Variants in WDPCP observed in about 807,000 individuals in gnomAD.
WDPCP encodes WD repeat containing planar cell polarity effector.
In WDPCP, 71 loss-of-function variants were observed where a neutral mutation model predicts 93.1. The observed-to-expected ratio is 0.76, with a 90% CI of 0.63 to 0.93. The LOEUF (loss-of-function observed/expected upper bound fraction) is 0.93, where lower values mean the gene tolerates loss of function less well. Ranked by LOEUF, WDPCP falls within the 40% of genes least tolerant of loss-of-function variation. WDPCP has a pLI of 0.00. For missense variants in WDPCP, 844 were observed against 887.4 expected, an observed-to-expected ratio of 0.95 and a Z score of 0.62; for synonymous variants, 315 against 315.0, an observed-to-expected ratio of 1.00 and a Z score of 0.00.
At chr2:63,618,135 C>G (rs572750024) in intron 3 of WDPCP, among the ~76,000 whole-genome samples, 1 of 152,270 alleles carries the variant, frequency 6.6e-6, no homozygotes, top group African/African-American at 2.4e-5. Context: ...AAATATACCA[C>G]CTTTGAGTCA....
At chr2:63,535,127 T>G (rs1323660260) in intron 1 of WDPCP, among the ~76,000 whole-genome samples, 1 of 152,020 alleles carries the variant, frequency 6.6e-6, no homozygotes, top group Non-Finnish European at 1.5e-5. Context: ...TCAAAGAGAA[T>G]AAAATACCTA....
intron 1 of WDPCP, among the ~76,000 whole-genome samples, chr2:63,497,579 A>C (rs1701308683): frequency 6.6e-6 from 1 of 152,186 alleles, no homozygotes; most frequent in Non-Finnish European, 1.5e-5. Context: ...AAAATCTTTA[A>C]TAATAACTAG....
At chr2:63,283,251 C>G (rs1401882599) in intron 13 of WDPCP, among the ~76,000 whole-genome samples, 1 of 152,120 alleles carries the variant, frequency 6.6e-6, no homozygotes, top group Non-Finnish European at 1.5e-5. Context: ...CTATATTGCC[C>G]AGGCTGGCCT....
intron 6 of WDPCP, chr2:63,443,286 T>C (rs1407023739): frequency 1.3e-5 from 2 of 152,172 alleles, no homozygotes; most frequent in Non-Finnish European, 2.9e-5. Context: ...TAATGTACAA[T>C]AGCAATAAGA....
At chr2:63,173,933 C>T (rs533458851) in intron 15 of WDPCP, among the ~76,000 whole-genome samples, 1 of 152,218 alleles carries the variant, frequency 6.6e-6, no homozygotes, top group African/African-American at 2.4e-5. Flanking sequence ...ATGCATAAAC[C>T]AGGGAACAGA....
At chr2:63,758,761 A>T (rs542567015) in intron 2 of WDPCP, among the ~76,000 whole-genome samples, 1 of 151,560 alleles carries the variant, frequency 6.6e-6, no homozygotes, top group African/African-American at 2.4e-5. Flanking sequence ...TCTTTAAAAA[A>T]AGCTCCAGAT....
chr2:63,357,993 A>T (rs1690146305), intron 12 of WDPCP, among the ~76,000 whole-genome samples: 2 of 152,220 alleles, frequency 1.3e-5, no homozygotes, highest in Admixed American at 1.3e-4. Context: ...ATCCTTAGCA[A>T]ACTAACATAG....
chr2:63,455,288 A>G (rs1698539888), intron 6 of WDPCP, among the ~76,000 whole-genome samples: 1 of 152,082 alleles, frequency 6.6e-6, no homozygotes, highest in African/African-American at 2.4e-5. Context: ...CTCACATATC[A>G]GCAATAAATC....
At chr2:63,502,219 A>G (rs1456241295) in intron 1 of WDPCP, among the ~76,000 whole-genome samples, 1 of 152,202 alleles carries the variant, frequency 6.6e-6, no homozygotes, top group Non-Finnish European at 1.5e-5. Flanking sequence ...ATACTCTGTT[A>G]GCATAAACAG....
chr2:63,310,736 G>A (rs893356779), intron 13 of WDPCP, among the ~76,000 whole-genome samples: 3 of 152,132 alleles, frequency 2.0e-5, no homozygotes, highest in Non-Finnish European at 4.4e-5. Context: ...GCACATGCCT[G>A]TAGTCTTAGC....
intron 9 of WDPCP, 135 bp downstream of exon 9, chr2:63,433,610 G>A: frequency 2.1e-6 from 2 of 969,218 alleles, no homozygotes; most frequent in Non-Finnish European, 1.5e-6. Flanking sequence ...GTATCTTCTA[G>A]ATATGATACT....
chr2:63,753,819 A>G (rs1218622591), intron 2 of WDPCP, among the ~76,000 whole-genome samples: 1 of 152,192 alleles, frequency 6.6e-6, no homozygotes, highest in Admixed American at 6.5e-5. Context: ...AGATCCAAAC[A>G]ATATAAGTTA....
chr2:63,286,476 C>T (rs1684009003), intron 13 of WDPCP, among the ~76,000 whole-genome samples: 1 of 152,138 alleles, frequency 6.6e-6, no homozygotes, highest in Non-Finnish European at 1.5e-5. Flanking sequence ...TTTGTGAGAT[C>T]CACCCCCTGC....
intron 1 of WDPCP, among the ~76,000 whole-genome samples, chr2:63,493,605 C>T (rs1558708914): frequency 6.6e-6 from 1 of 150,966 alleles, no homozygotes; most frequent in Non-Finnish European, 1.5e-5. Context: ...TTCCCCCTAG[C>T]AGGGGCTAGG....
At chr2:63,722,689 G>T (rs1361943539) in intron 2 of WDPCP, among the ~76,000 whole-genome samples, 2 of 137,038 alleles carry the variant, frequency 1.5e-5, no homozygotes, top group Non-Finnish European at 3.2e-5. Context: ...CCGGCCAGCC[G>T]CCCCGTCCGG....
At chr2:63,123,676 T>C (rs949086957) in intron 17 of WDPCP, among the ~76,000 whole-genome samples, 1 of 152,022 alleles carries the variant, frequency 6.6e-6, no homozygotes, top group Non-Finnish European at 1.5e-5. Flanking sequence ...ATAAAATAAT[T>C]TATTTTACAT....
At chr2:63,706,600 CTTTTTTTTTTTTT>C (rs896018299) in intron 2 of WDPCP, among the ~76,000 whole-genome samples, 8 of 61,696 alleles carry the variant, frequency 1.3e-4, no homozygotes, top group Admixed American at 3.3e-4. Flanking sequence ...AAATTCTTTT[CTTTTTTTTTTTTT>C]TTTTTTTTTT....
At chr2:63,346,568 C>T (rs1689207138) in intron 12 of WDPCP, among the ~76,000 whole-genome samples, 1 of 152,222 alleles carries the variant, frequency 6.6e-6, no homozygotes, top group Admixed American at 6.5e-5. Context: ...GATTCTAGGG[C>T]AGCTCCCTTT....
intron 1 of WDPCP, among the ~76,000 whole-genome samples, chr2:63,535,431 G>A (rs1704199667): frequency 6.6e-6 from 1 of 152,156 alleles, no homozygotes; most frequent in Admixed American, 6.5e-5. Context: ...GAACAGAGCT[G>A]GAGGCATCAC....
Sources: gnomAD v4.1 joint callset for allele counts (sites outside exome capture counted in the v4.1 genomes callset) on GRCh38, gnomAD v4.1.1 for gene constraint, MANE v1.5 for transcripts, NCBI Gene and HGNC (gene_info 2026-07-23, HGNC 2026-07-21) for gene names.